The following PRKG1 variants were observed in gnomAD, a reference collection of about 807,000 sequenced individuals.
The protein encoded by PRKG1 is cGMP-dependent protein kinase 1.
Under a neutral mutation model 88.1 loss-of-function variants are expected in PRKG1, and 35 were observed. That is an observed-to-expected ratio of 0.40 (90% CI 0.30 to 0.53). The LOEUF is 0.53. Among genes scored for constraint, PRKG1 ranks in the 20% least tolerant of loss-of-function variants. PRKG1 has a pLI of 0.59. For synonymous variants in PRKG1, 303 were observed against 292.5 expected, an observed-to-expected ratio of 1.04 and a Z score of -0.37; for missense variants, 540 against 839.8, an observed-to-expected ratio of 0.64 and a Z score of 4.41.
chr10:51,801,590 C>T (rs1839175008), intron 3 of PRKG1, among the ~76,000 whole-genome samples: 1 of 152,070 alleles, frequency 6.6e-6, no homozygotes, highest in South Asian at 2.1e-4. Context: ...TCTATAAGTG[C>T]ATTATACTTA....
chr10:51,197,779 G>A (rs1033457731), intron 2 of PRKG1, among the ~76,000 whole-genome samples: 1 of 151,466 alleles, frequency 6.6e-6, no homozygotes, highest in African/African-American at 2.4e-5. Context: ...AGTTAACAAA[G>A]GAGCAGCTTA....
intron 2 of PRKG1, among the ~76,000 whole-genome samples, chr10:51,158,571 C>T (rs1231919170): frequency 6.6e-6 from 1 of 151,912 alleles, no homozygotes; most frequent in Non-Finnish European, 1.5e-5. Context: ...ACTTCTTAGG[C>T]CTCTCTGCAT....
intron 4 of PRKG1, among the ~76,000 whole-genome samples, chr10:51,863,146 G>A (rs1172566556): frequency 2.5e-5 from 3 of 120,422 alleles, no homozygotes; most frequent in Non-Finnish European, 5.4e-5. Context: ...AGTATCTCAT[G>A]CTAATCCAGA....
intron 2 of PRKG1, among the ~76,000 whole-genome samples, chr10:51,284,928 G>A (rs1208493702): frequency 7.4e-6 from 1 of 134,420 alleles, no homozygotes; most frequent in Non-Finnish European, 1.6e-5. Context: ...AAGTTTTAGG[G>A]TACATGTGCA....
intron 7 of PRKG1, among the ~76,000 whole-genome samples, chr10:52,110,286 C>G (rs1355562821): frequency 1.3e-5 from 2 of 151,992 alleles, no homozygotes; most frequent in African/African-American, 2.4e-5. Context: ...GAGCGGAGAT[C>G]GCGCCACTGC....
At position 51,286,222 on chromosome 10, in the gene PRKG1, C is replaced by T. The variant is rs372984586; in HGVS notation, c.478+132892C>T. The stretch of plus-strand genomic sequence containing the variant: ...CCGGCCTCAGGTAATCTGCCTGCCT[C>T]GGCCTCCCAAAGTGCTGGGATTACG... On this transcript the variant is annotated intron_variant, in intron 2 of 17. Transcript: ENST00000373980. Among the ~76,000 whole-genome samples the T allele has an allele frequency of 9.1e-4, 138 of 152,290 alleles. 4 individuals carry two copies. The South Asian group carries it at 0.027, about 30-fold the overall frequency.
chr10:51,056,134 G>A (rs1262942709), intron 1 of PRKG1, among the ~76,000 whole-genome samples: 2 of 152,202 alleles, frequency 1.3e-5, no homozygotes, highest in African/African-American at 2.4e-5. Context: ...GGCAGCAGTT[G>A]TGATGAAGGC....
At chr10:51,829,046 G>A (rs775359835) in intron 4 of PRKG1, among the ~76,000 whole-genome samples, 1 of 152,150 alleles carries the variant, frequency 6.6e-6, no homozygotes, top group African/African-American at 2.4e-5. Context: ...ATCAGCTATT[G>A]CCCAGGTTGC....
intron 2 of PRKG1, among the ~76,000 whole-genome samples, chr10:51,233,856 T>C (rs1057232026): frequency 1.3e-5 from 2 of 152,200 alleles, no homozygotes; most frequent in Non-Finnish European, 2.9e-5. Context: ...TAGTGTTCTC[T>C]GTGGGTAGTA....
intron 2 of PRKG1, among the ~76,000 whole-genome samples, chr10:51,206,453 C>T (rs1838063110): frequency 6.6e-6 from 1 of 150,466 alleles, no homozygotes. Flanking sequence ...GATCGCTCCA[C>T]TGCACTCCAG....
At chr10:51,380,115 C>A (rs540728130) in intron 2 of PRKG1, among the ~76,000 whole-genome samples, 39 of 152,220 alleles carry the variant, frequency 2.6e-4, no homozygotes, top group African/African-American at 8.4e-4. Flanking sequence ...TCTCTACCCC[C>A]AAACACTTAA....
At chr10:51,092,703 A>G (rs1482183168) in intron 1 of PRKG1, among the ~76,000 whole-genome samples, 2 of 151,236 alleles carry the variant, frequency 1.3e-5, no homozygotes, top group Non-Finnish European at 2.9e-5. Flanking sequence ...GGTACCAGAA[A>G]TGAAGTTTCA....
chr10:51,476,316 A>G (rs961106075), intron 3 of PRKG1, among the ~76,000 whole-genome samples: 1 of 152,016 alleles, frequency 6.6e-6, no homozygotes, highest in Non-Finnish European at 1.5e-5. Context: ...GAAGGTGACA[A>G]TAGATCCTAG....
intron 4 of PRKG1, among the ~76,000 whole-genome samples, chr10:51,854,010 C>A (rs1237153988): frequency 6.6e-6 from 1 of 152,010 alleles, no homozygotes; most frequent in Non-Finnish European, 1.5e-5. Context: ...ATTGTTTCTA[C>A]TAAATGTTCC....
intron 5 of PRKG1, among the ~76,000 whole-genome samples, chr10:51,969,297 A>C (rs528194853): frequency 6.6e-6 from 1 of 152,270 alleles, no homozygotes; most frequent in Admixed American, 6.5e-5. Context: ...AATCTTAATC[A>C]TCATCATGCC....
chr10:51,695,845 A>G (rs1297154927), intron 3 of PRKG1: 3 of 152,150 alleles, frequency 2.0e-5, no homozygotes, highest in Non-Finnish European at 4.4e-5. Context: ...CAATTTCTAC[A>G]TTTTCAGCTC....
intron 2 of PRKG1, among the ~76,000 whole-genome samples, chr10:51,437,163 A>G (rs1470449483): frequency 1.3e-5 from 2 of 151,974 alleles, no homozygotes; most frequent in Admixed American, 1.3e-4. Flanking sequence ...CCATGGATTA[A>G]ATTAATGTAG....
At chr10:52,185,987 A>G (rs1446159918) in intron 9 of PRKG1, among the ~76,000 whole-genome samples, 3 of 151,872 alleles carry the variant, frequency 2.0e-5, no homozygotes, top group Non-Finnish European at 4.4e-5. Context: ...GGGCTGTCCC[A>G]AAGGTCTCTG....
At chr10:51,923,593 A>G (rs1013123098) in intron 5 of PRKG1, among the ~76,000 whole-genome samples, 4 of 151,036 alleles carry the variant, frequency 2.6e-5, no homozygotes, top group Non-Finnish European at 5.9e-5. Flanking sequence ...TTTGCAACAT[A>G]CCACCAATTC....
Sources: gnomAD v4.1 joint callset for allele counts (sites outside exome capture counted in the v4.1 genomes callset) on GRCh38, gnomAD v4.1.1 for gene constraint, MANE v1.5 for transcripts, NCBI Gene and HGNC (gene_info 2026-07-23, HGNC 2026-07-21) for gene names.